The following ADAM2 variants were observed in gnomAD, a reference collection of about 807,000 sequenced individuals.
ADAM2 encodes the protein disintegrin and metalloproteinase domain-containing protein 2.
A neutral mutation model predicts 99.3 loss-of-function variants in ADAM2; 101 were observed. The observed-to-expected ratio is 1.02, with a 90% CI of 0.87 to 1.20. ADAM2 has a LOEUF of 1.20. ADAM2 is among the 50% of genes most tolerant of loss of function. ADAM2 has a pLI of 0.00. For synonymous variants in ADAM2, 323 were observed against 287.6 expected (o/e 1.12, Z -1.25); for missense variants, 948 against 878.7 (o/e 1.08, Z -1.00).
At chr8:39,783,670 G>A (rs557962753) in intron 10 of ADAM2, among the ~76,000 whole-genome samples, 61 of 152,224 alleles carry the variant, frequency 4.0e-4, no homozygotes, top group African/African-American at 1.5e-3. Context: ...AATATTTTAA[G>A]GCCAGGCACA....
intron 7 of ADAM2, among the ~76,000 whole-genome samples, chr8:39,804,292 C>G (rs926845051): frequency 2.0e-5 from 3 of 152,000 alleles, no homozygotes; most frequent in Middle Eastern, 3.2e-3. Flanking sequence ...AGAGAGGCAA[C>G]TAAAGGGAAA....
intron 3 of ADAM2, among the ~76,000 whole-genome samples, chr8:39,830,768 T>C (rs1043277117): frequency 1.3e-5 from 2 of 151,646 alleles, no homozygotes; most frequent in African/African-American, 4.8e-5. Context: ...AAGTTGCTAA[T>C]AGAAACGAAA....
chr8:39,788,607 G>A (rs1803572981), intron 8 of ADAM2, 62 bp downstream of exon 8: 2 of 1,139,436 alleles, frequency 1.8e-6, no homozygotes, highest in South Asian at 2.9e-5. Flanking sequence ...GTGTCATAAT[G>A]AGGTGTAGAA....
chr8:39,762,449 C>T (rs1802405900), intron 14 of ADAM2, among the ~76,000 whole-genome samples: 1 of 152,166 alleles, frequency 6.6e-6, no homozygotes, highest in African/African-American at 2.4e-5. Flanking sequence ...GAATTTTAGG[C>T]ATCCAAGAGA....
At chr8:39,789,731 A>G (rs936101240) in intron 7 of ADAM2, among the ~76,000 whole-genome samples, 3 of 151,916 alleles carry the variant, frequency 2.0e-5, no homozygotes, top group Admixed American at 1.3e-4. Flanking sequence ...GCTTCAAATG[A>G]CACCATCAAG....
At chr8:39,766,411 T>G (rs866937376) in intron 14 of ADAM2, among the ~76,000 whole-genome samples, 40 of 152,134 alleles carry the variant, frequency 2.6e-4, no homozygotes, top group Middle Eastern at 3.4e-3. Flanking sequence ...AATTTCTAGC[T>G]ACTGATATTT....
chr8:39,756,192 C>A (rs1329299064), intron 15 of ADAM2, among the ~76,000 whole-genome samples: 3 of 152,098 alleles, frequency 2.0e-5, no homozygotes, highest in Non-Finnish European at 4.4e-5. Flanking sequence ...CCTAATATTC[C>A]CTAGTTAGCC....
At chr8:39,761,755 T>A (rs1179057199) in intron 14 of ADAM2, among the ~76,000 whole-genome samples, 4 of 152,148 alleles carry the variant, frequency 2.6e-5, no homozygotes. Flanking sequence ...CCAATCCACA[T>A]GCATAATCTG....
intron 11 of ADAM2, among the ~76,000 whole-genome samples, chr8:39,773,943 G>A (rs927154780): frequency 2.6e-5 from 4 of 151,760 alleles, no homozygotes; most frequent in Non-Finnish European, 5.9e-5. Context: ...GCCAATATTA[G>A]GGGAAAAAAT....
rs150598145 is a variant in ADAM2 at position 39,831,047 on chromosome 8, C to G, written c.188+2897G>C. Among the ~76,000 whole-genome samples, 480 of 152,220 alleles carry G rather than the reference C, an allele frequency of 3.2e-3. 2 individuals carry two copies. The highest frequency in any genetic ancestry group is 0.011 in the African/African-American group (466 of 41,536). On this transcript the variant is annotated intron_variant, in intron 3 of 20. Transcript: ENST00000265708. Reference sequence around the variant, plus strand: ...AGCCTTCACCAGGCACTGAATCTGCCAGTGCCTCAATCTTGGACTTCCCAG... The same window carrying G: ...AGCCTTCACCAGGCACTGAATCTGCGAGTGCCTCAATCTTGGACTTCCCAG...
At chr8:39,834,602 C>T (rs62511209) in intron 2 of ADAM2, among the ~76,000 whole-genome samples, 10,636 of 151,784 alleles carry the variant, frequency 0.07, 438 homozygotes, top group Non-Finnish European at 0.093. Context: ...GGGCATGGGG[C>T]GGTTGCCTGT....
intron 3 of ADAM2, among the ~76,000 whole-genome samples, chr8:39,830,100 A>G (rs1805557455): frequency 6.6e-6 from 1 of 152,150 alleles, no homozygotes; most frequent in Non-Finnish European, 1.5e-5. Flanking sequence ...TCACTTCACG[A>G]CACTTATTTA....
chr8:39,789,974 A>C (rs1803634299), intron 7 of ADAM2, among the ~76,000 whole-genome samples: 1 of 151,932 alleles, frequency 6.6e-6, no homozygotes, highest in Non-Finnish European at 1.5e-5. Context: ...AATGTAAATC[A>C]AAACCACAAA....
intron 6 of ADAM2, among the ~76,000 whole-genome samples, chr8:39,815,326 A>T (rs1477823799): frequency 1.3e-5 from 2 of 152,180 alleles, no homozygotes; most frequent in African/African-American, 4.8e-5. Flanking sequence ...TATTACACAT[A>T]ATAAAATGAT....
rs188774412 is a variant in ADAM2 at position 39,834,471 on chromosome 8, A to T, written c.133-472T>A. On this transcript the variant is annotated intron_variant, in intron 2 of 20. Transcript: ENST00000265708. ...GTACCACATCTTAAAGGAAAACCTCACGCCTATTATCCCAGCACTTTGGGA... is the reference window on the plus strand; with the variant it reads ...GTACCACATCTTAAAGGAAAACCTCTCGCCTATTATCCCAGCACTTTGGGA... 9.8e-4 allele frequency among the ~76,000 whole-genome samples: 149 copies of T among 152,282 alleles called. 1 individual carries two copies. The highest frequency in any genetic ancestry group is 3.5e-3 in the African/African-American group (145 of 41,560).
chr8:39,798,836 T>C (rs746135552), intron 7 of ADAM2, among the ~76,000 whole-genome samples: 4 of 152,170 alleles, frequency 2.6e-5, no homozygotes, highest in Admixed American at 6.5e-5. Context: ...ATAGAGGTGT[T>C]TATACTATTC....
chr8:39,818,135 T>C (rs1805028974), intron 6 of ADAM2: 1 of 151,932 alleles, frequency 6.6e-6, no homozygotes, highest in Admixed American at 6.5e-5. Context: ...AAAACAAGTC[T>C]GCACAGCAAT....
intron 7 of ADAM2, among the ~76,000 whole-genome samples, chr8:39,791,340 C>T (rs1218022568): frequency 1.3e-5 from 2 of 152,056 alleles, no homozygotes; most frequent in African/African-American, 4.8e-5. Context: ...TGCACTATTG[C>T]TGTTTCCTCA....
At chr8:39,816,405 C>T (rs576695205) in intron 6 of ADAM2, among the ~76,000 whole-genome samples, 68 of 152,272 alleles carry the variant, frequency 4.5e-4, no homozygotes, top group Non-Finnish European at 7.6e-4. Flanking sequence ...ATCTGGCAGC[C>T]ACTCAAAAGG....
Sources: allele counts gnomAD v4.1 joint callset (sites outside exome capture counted in the v4.1 genomes callset), GRCh38; gene constraint gnomAD v4.1.1; transcripts MANE v1.5; gene names NCBI Gene and HGNC (gene_info 2026-07-23, HGNC 2026-07-21).